ENTPD1: variants seen among roughly 807,000 people sequenced by gnomAD.
ENTPD1 encodes the protein ATP diphosphohydrolase.
A neutral mutation model predicts 57.0 loss-of-function variants in ENTPD1; 33 were observed. The observed-to-expected ratio is 0.58, with a 90% CI of 0.44 to 0.77. The LOEUF is 0.77. Ranked by LOEUF, ENTPD1 falls within the 30% of genes least tolerant of loss-of-function variation. The pLI, the probability that ENTPD1 is intolerant of heterozygous loss-of-function variation, is 0.00. For synonymous variants in ENTPD1, 202 were observed against 218.8 expected, an observed-to-expected ratio of 0.92 and a Z score of 0.68; for missense variants, 501 against 603.4, an observed-to-expected ratio of 0.83 and a Z score of 1.78.
rs759208356 is a variant in ENTPD1, at chr10:95,756,252, A to G, written c.13A>G (p.Lys5Glu). The change falls in exon 1 of 10, where the codon AAG becomes GAG. Residue 5 changes from lysine (K) to glutamate (E), a missense_variant. By Grantham distance (56) the Lys-to-Glu change is moderately conservative. Transcript: ENST00000371205. MEDT[K>E]ESNVKTFCSK... Reference sequence around the variant, plus strand: ...AAAGCTGCTACTTATGGAAGATACAAAGGGTAAGACCAAAATTGATTTGAT... The same window carrying G: ...AAAGCTGCTACTTATGGAAGATACAGAGGGTAAGACCAAAATTGATTTGAT... The G allele has an allele frequency of 2.2e-5, 35 of 1,594,214 alleles. 1 individual carries two copies. The highest frequency in any genetic ancestry group is 3.3e-4 in the Middle Eastern group (2 of 6,048).
At chr10:95,748,518 C>T (rs2098008478) in intron 1 of ENTPD1, among the ~76,000 whole-genome samples, 1 of 152,188 alleles carries the variant, frequency 6.6e-6, no homozygotes, top group Non-Finnish European at 1.5e-5. Context: ...CTGTACCTCA[C>T]CCATTCCTCC....
exon 1 of ENTPD1, chr10:95,711,798 A>G: frequency 3.1e-6 from 3 of 979,566 alleles, no homozygotes; most frequent in Non-Finnish European, 4.8e-6. Flanking sequence ...TAAAATTATG[A>G]TCAAATAAAT....
chr10:95,729,669 T>A (rs190922786), intron 1 of ENTPD1, among the ~76,000 whole-genome samples: 47 of 152,332 alleles, frequency 3.1e-4, no homozygotes, highest in African/African-American at 1.1e-3. Flanking sequence ...TTATGAAATT[T>A]CTAATTTTGT....
intron 2 of ENTPD1, among the ~76,000 whole-genome samples, chr10:95,824,209 G>C (rs2098365091): frequency 6.6e-6 from 1 of 152,224 alleles, no homozygotes; most frequent in Admixed American, 6.5e-5. Flanking sequence ...TAAGGGCCCA[G>C]ATGATACCAA....
chr10:95,737,938 A>G (rs943819362), intron 1 of ENTPD1, among the ~76,000 whole-genome samples: 2 of 152,176 alleles, frequency 1.3e-5, no homozygotes, highest in South Asian at 2.1e-4. Flanking sequence ...TAAACGTATC[A>G]TGCTGGGGTA....
intron 1 of ENTPD1, among the ~76,000 whole-genome samples, chr10:95,818,269 C>T (rs7088952): frequency 0.049 from 7,510 of 152,228 alleles, 223 homozygotes; most frequent in Middle Eastern, 0.058. Context: ...AAAGTCCCTG[C>T]CCTAAGGAGC....
In ENTPD1 at chr10:95,823,349, G is replaced by T; in HGVS notation, c.129G>T (p.Leu43Phe). 1 of 1,614,114 alleles carries T rather than the reference G, an allele frequency of 6.2e-7. No homozygotes were observed. The highest frequency in any genetic ancestry group is 8.5e-7 in the Non-Finnish European group (1 of 1,179,984). Residue 43 changes from leucine to phenylalanine, a missense_variant, in exon 2 of 10, where the codon TTG becomes TTT. By Grantham distance (22) the Leu-to-Phe change is conservative. Coordinates refer to ENST00000371205, the MANE Select transcript of ENTPD1 (RefSeq NM_001776.6). ...LAVGLTQNKALPENVKYGIVL... is the reference protein window; with the variant it reads ...LAVGLTQNKAFPENVKYGIVL... ...TGGGGTTGACCCAGAACAAAGCATT[G>T]CCAGAAAACGTTAAGGTAAGTCAAA... is the stretch of plus-strand genomic sequence containing the variant.
At chr10:95,856,679 C>A (rs929880278) in intron 7 of ENTPD1, among the ~76,000 whole-genome samples, 1 of 142,066 alleles carries the variant, frequency 7.0e-6, no homozygotes, top group African/African-American at 2.5e-5. Context: ...TATACACACA[C>A]ATAAATGTAT....
At chr10:95,784,510 T>C (rs1467317752) in intron 1 of ENTPD1, among the ~76,000 whole-genome samples, 1 of 152,142 alleles carries the variant, frequency 6.6e-6, no homozygotes, top group Non-Finnish European at 1.5e-5. Flanking sequence ...GGAGAAAAAC[T>C]CAGGCTGTGT....
chr10:95,829,437 G>A (rs1178353781), intron 2 of ENTPD1, among the ~76,000 whole-genome samples: 2 of 152,212 alleles, frequency 1.3e-5, no homozygotes, highest in Non-Finnish European at 2.9e-5. Flanking sequence ...GGGTCATGTG[G>A]GTACCACAGG....
At chr10:95,860,668 C>T (rs530606026) in intron 8 of ENTPD1, 86 bp downstream of exon 8, 1 of 1,211,776 alleles carries the variant, frequency 8.3e-7, no homozygotes, top group East Asian at 2.5e-5. Context: ...TCTGAAACTC[C>T]TGCTGGTTTG....
chr10:95,775,631 G>C (rs1199318727), intron 1 of ENTPD1, among the ~76,000 whole-genome samples: 1 of 152,068 alleles, frequency 6.6e-6, no homozygotes, highest in African/African-American at 2.4e-5. Flanking sequence ...TTTGGGTGGA[G>C]AGTTCTGTAG....
chr10:95,800,254 T>C (rs2098243426), intron 1 of ENTPD1, among the ~76,000 whole-genome samples: 1 of 152,114 alleles, frequency 6.6e-6, no homozygotes, highest in African/African-American at 2.4e-5. Context: ...CACGTATTGG[T>C]AGGACTGTGA....
Position 95,845,601 on chromosome 10 carries a change from G to C in ENTPD1, c.813+5G>C, listed in dbSNP as rs2098433624. ...AAACTGGCCAAGGACATTCAGGCAA[G>C]TATAACTCAATCCAGACCTGCCCCC... On this transcript the variant is annotated splice_donor_5th_base_variant and intron_variant, in intron 6 of 9. Transcript: ENST00000371205. The C allele has an allele frequency of 1.2e-6, 2 of 1,614,102 alleles. No individual in the cohort carries two copies. The highest frequency in any genetic ancestry group is 1.7e-6 in the Non-Finnish European group (2 of 1,180,044).
intron 7 of ENTPD1, among the ~76,000 whole-genome samples, chr10:95,858,598 G>A (rs1566248759): frequency 6.6e-6 from 1 of 152,018 alleles, no homozygotes; most frequent in Non-Finnish European, 1.5e-5. Flanking sequence ...TGGGTTAAGA[G>A]GGCAGAAATA....
At chr10:95,795,333 A>T (rs1232441685) in intron 1 of ENTPD1, among the ~76,000 whole-genome samples, 1 of 152,068 alleles carries the variant, frequency 6.6e-6, no homozygotes, top group African/African-American at 2.4e-5. Flanking sequence ...CAGTAACTGG[A>T]TGAGTGGTGA....
chr10:95,871,219 A>C lies in ENTPD1; in HGVS notation c.*4836A>C, dbSNP rs1358729721. On this transcript the variant is annotated 3_prime_UTR_variant, in exon 10 of 10. Coordinates refer to ENST00000371205, the MANE Select transcript of ENTPD1 (RefSeq NM_001776.6). Reference sequence around the variant, plus strand: ...TTTTAACACAGGAAAAAAGTAAAGCATTAAATGCGATTATTTAATATACAA... The same window carrying C: ...TTTTAACACAGGAAAAAAGTAAAGCCTTAAATGCGATTATTTAATATACAA... 1.0e-6 allele frequency: 1 copy of C among 985,386 alleles called. No individual in the cohort carries two copies. Among genetic ancestry groups the C allele is most frequent in the Admixed American group, 6.1e-5 (1 of 16,278 alleles). The allele number at this position is 985,386 out of a possible 1,614,324, so 61.0% of individuals were successfully genotyped here.
rs181501760 is a variant in ENTPD1 at position 95,854,077 on chromosome 10, T to G, written c.1074+6371T>G. On this transcript the variant is annotated intron_variant, in intron 7 of 9. Transcript: ENST00000371205. Reference sequence around the variant, plus strand: ...CATCTGGTCCTGGACTTTTTTTGGTTGGTAAGCTATTAATTATTGCCTCAA... The same window carrying G: ...CATCTGGTCCTGGACTTTTTTTGGTGGGTAAGCTATTAATTATTGCCTCAA... Among the ~76,000 whole-genome samples, 147 of 152,328 alleles carry G rather than the reference T, an allele frequency of 9.7e-4. 2 individuals carry two copies. In the East Asian group the frequency reaches 0.013, roughly 13 times the overall value.
At chr10:95,822,772 A>G (rs2098358270) in intron 1 of ENTPD1, among the ~76,000 whole-genome samples, 2 of 152,252 alleles carry the variant, frequency 1.3e-5, no homozygotes, top group African/African-American at 4.8e-5. Context: ...TGCAAGGGGT[A>G]TGTATGTCAA....
Sources: gnomAD v4.1 joint callset for allele counts (sites outside exome capture counted in the v4.1 genomes callset) on GRCh38, gnomAD v4.1.1 for gene constraint, MANE v1.5 for transcripts, NCBI Gene and HGNC (gene_info 2026-07-23, HGNC 2026-07-21) for gene names.